TBCA: variants seen among roughly 807,000 people sequenced by gnomAD.
TBCA encodes the protein tubulin-specific chaperone A.
A neutral mutation model predicts 15.8 loss-of-function variants in TBCA; 6 were observed. The ratio of observed to expected loss-of-function variants is 0.38; its 90% CI spans 0.21 to 0.75. The LOEUF is 0.75. Ranked by LOEUF, TBCA falls within the 30% of genes least tolerant of loss-of-function variation. The pLI is 0.46. For synonymous variants in TBCA, 32 were observed against 42.3 expected (o/e 0.76, Z 0.94); for missense variants, 90 against 131.2 (o/e 0.69, Z 1.53).
Position 77,776,288 on chromosome 5 carries a change from G to C in TBCA, c.-31C>G. 1 of 1,564,764 alleles carries C rather than the reference G, an allele frequency of 6.4e-7. No homozygotes were observed. The highest frequency in any genetic ancestry group is 2.4e-5 in the East Asian group (1 of 41,968). On this transcript the variant is annotated 5_prime_UTR_variant, in exon 1 of 4. Coordinates refer to ENST00000380377, the MANE Select transcript of TBCA (RefSeq NM_004607.3). The stretch of plus-strand genomic sequence containing the variant: ...CTCGAGCGCCGCGAGAAGGAGGGGC[G>C]GAGAGCCGGGGTAACCGTGGAGGGC...
chr5:77,707,183 T>C (rs1341795985), intron 2 of TBCA, among the ~76,000 whole-genome samples: 1 of 152,120 alleles, frequency 6.6e-6, no homozygotes, highest in African/African-American at 2.4e-5. Flanking sequence ...GGGCACATAG[T>C]CCACTCTTAC....
intron 1 of TBCA, among the ~76,000 whole-genome samples, chr5:77,718,641 T>A (rs1428127603): frequency 6.6e-6 from 1 of 152,190 alleles, no homozygotes; most frequent in East Asian, 1.9e-4. Flanking sequence ...AAGTCCTAAG[T>A]GAGATTTTTC....
chr5:77,691,735 G>A (rs1745753205), intron 3 of TBCA: 2 of 1,159,230 alleles, frequency 1.7e-6, no homozygotes, highest in Admixed American at 4.7e-5. Context: ...CATAAAATAA[G>A]TGAATAACAG....
intron 2 of TBCA, among the ~76,000 whole-genome samples, chr5:77,706,368 G>A (rs1038201975): frequency 1.3e-5 from 2 of 152,150 alleles, no homozygotes; most frequent in Non-Finnish European, 2.9e-5. Context: ...GATTTATTTA[G>A]TTGTTGTGGT....
chr5:77,739,845 T>G (rs1746993660), intron 1 of TBCA, among the ~76,000 whole-genome samples: 1 of 152,188 alleles, frequency 6.6e-6, no homozygotes, highest in Non-Finnish European at 1.5e-5. Context: ...CAAATAAGAA[T>G]ACAACATCAA....
chr5:77,722,525 G>C (rs1273255063), intron 1 of TBCA, among the ~76,000 whole-genome samples: 1 of 151,888 alleles, frequency 6.6e-6, no homozygotes, highest in Non-Finnish European at 1.5e-5. Context: ...AAGTGTATTT[G>C]GAAGTACACT....
chr5:77,771,052 CA>C (rs2112520650), intron 1 of TBCA, among the ~76,000 whole-genome samples: 1 of 151,582 alleles, frequency 6.6e-6, no homozygotes, highest in East Asian at 2.0e-4. Flanking sequence ...ACCCAGGAGG[CA>C]GCAGCTGCAG....
intron 1 of TBCA, among the ~76,000 whole-genome samples, chr5:77,746,232 T>G (rs1230239561): frequency 6.6e-6 from 1 of 152,040 alleles, no homozygotes; most frequent in Non-Finnish European, 1.5e-5. Context: ...AGTTCCAGAC[T>G]AGACTGGGCA....
chr5:77,760,960 AT>A, intron 1 of TBCA, among the ~76,000 whole-genome samples: 1 of 20,940 alleles, frequency 4.8e-5, no homozygotes, highest in African/African-American at 2.0e-4. Context: ...CCGGCCACCC[AT>A]CGTCTGGGAA....
At chr5:77,727,682 T>C (rs560464839) in intron 1 of TBCA, among the ~76,000 whole-genome samples, 1 of 152,260 alleles carries the variant, frequency 6.6e-6, no homozygotes, top group Admixed American at 6.5e-5. Context: ...AAAAAGATAT[T>C]AAGCTTTTCA....
chr5:77,764,701 T>G (rs535333302), intron 1 of TBCA, among the ~76,000 whole-genome samples: 11 of 152,358 alleles, frequency 7.2e-5, no homozygotes, highest in Admixed American at 2.0e-4. Context: ...TGGTAAAATA[T>G]GTATGTGAAA....
chr5:77,769,484 T>C (rs72772840), intron 1 of TBCA, among the ~76,000 whole-genome samples: 23 of 152,302 alleles, frequency 1.5e-4, no homozygotes, highest in Non-Finnish European at 2.9e-4. Flanking sequence ...ATACGTGTCA[T>C]TTGCATTCTT....
At chr5:77,764,691 T>C (rs565503333) in intron 1 of TBCA, among the ~76,000 whole-genome samples, 3 of 152,338 alleles carry the variant, frequency 2.0e-5, no homozygotes, top group Admixed American at 2.0e-4. Context: ...TCTCAACCAA[T>C]GGTAAAATAT....
chr5:77,751,778 T>C (rs184169412), intron 1 of TBCA, among the ~76,000 whole-genome samples: 19 of 152,306 alleles, frequency 1.2e-4, no homozygotes, highest in African/African-American at 3.8e-4. Context: ...AGTTTTATTA[T>C]TACTCAAATC....
intron 1 of TBCA, among the ~76,000 whole-genome samples, chr5:77,758,610 T>A (rs1161102652): frequency 6.6e-6 from 1 of 152,242 alleles, no homozygotes; most frequent in Non-Finnish European, 1.5e-5. Flanking sequence ...CGGCTCGTCC[T>A]GCTACAGGCA....
intron 1 of TBCA, among the ~76,000 whole-genome samples, chr5:77,728,403 T>G (rs1042149509): frequency 6.6e-6 from 1 of 152,180 alleles, no homozygotes; most frequent in Non-Finnish European, 1.5e-5. Flanking sequence ...GTTTCTTGTA[T>G]TTTAAGCCAG....
At chr5:77,721,999 T>C (rs917478041) in intron 1 of TBCA, among the ~76,000 whole-genome samples, 1 of 152,014 alleles carries the variant, frequency 6.6e-6, no homozygotes, top group African/African-American at 2.4e-5. Context: ...TCTAACTTTA[T>C]CTCACAAAAA....
chr5:77,765,244 G>C (rs889816661), intron 1 of TBCA, among the ~76,000 whole-genome samples: 20 of 152,136 alleles, frequency 1.3e-4, no homozygotes, highest in African/African-American at 4.3e-4. Context: ...ACAATTGTGA[G>C]CAAGTGAAAG....
intron 1 of TBCA, among the ~76,000 whole-genome samples, chr5:77,769,145 G>T (rs1747847134): frequency 6.6e-6 from 1 of 152,310 alleles, no homozygotes; most frequent in South Asian, 2.1e-4. Flanking sequence ...GTAGTTAACA[G>T]AATGTGGTGA....
Sources: allele counts gnomAD v4.1 joint callset (sites outside exome capture counted in the v4.1 genomes callset), GRCh38; gene constraint gnomAD v4.1.1; transcripts MANE v1.5; gene names NCBI Gene and HGNC (gene_info 2026-07-23, HGNC 2026-07-21).